The following TSHZ2 variants were observed in gnomAD, a reference collection of about 807,000 sequenced individuals.
TSHZ2 encodes the protein teashirt zinc finger homeobox 2.
Under a neutral mutation model 74.4 loss-of-function variants are expected in TSHZ2, and 21 were observed. The ratio of observed to expected loss-of-function variants is 0.28; its 90% confidence interval spans 0.20 to 0.41. The LOEUF (loss-of-function observed/expected upper bound fraction) is 0.41, where lower values mean the gene tolerates loss of function less well. Ranked by LOEUF, TSHZ2 falls within the 10% of genes least tolerant of loss-of-function variation. The pLI is 1.00. For synonymous variants in TSHZ2, 540 were observed against 515.3 expected (o/e 1.05, Z -0.65); for missense variants, 1,244 against 1,293.5 (o/e 0.96, Z 0.59).
At chr20:53,175,809 C>A (rs765826420) in intron 1 of TSHZ2, among the ~76,000 whole-genome samples, 37 of 152,206 alleles carry the variant, frequency 2.4e-4, no homozygotes, top group Admixed American at 1.4e-3. Context: ...GTCACAAAGA[C>A]TGACTTCCCC....
intron 1 of TSHZ2, among the ~76,000 whole-genome samples, chr20:53,172,127 A>G (rs1235017360): frequency 6.6e-6 from 1 of 152,238 alleles, no homozygotes; most frequent in African/African-American, 2.4e-5. Context: ...CATTTTAGAT[A>G]TGAATTATAA....
chr20:53,389,285 G>T (rs1348933663), intron 2 of TSHZ2, among the ~76,000 whole-genome samples: 1 of 152,166 alleles, frequency 6.6e-6, no homozygotes, highest in Non-Finnish European at 1.5e-5. Flanking sequence ...CATTCAAGGG[G>T]AATTTCAGAG....
At chr20:53,144,605 G>A (rs373329433) in intron 1 of TSHZ2, among the ~76,000 whole-genome samples, 20 of 152,148 alleles carry the variant, frequency 1.3e-4, no homozygotes, top group African/African-American at 4.6e-4. Context: ...ATATTATTAG[G>A]TATTATTATT....
intron 1 of TSHZ2, among the ~76,000 whole-genome samples, chr20:53,043,175 A>T (rs1330057166): frequency 2.0e-5 from 3 of 152,254 alleles, no homozygotes; most frequent in Admixed American, 6.5e-5. Flanking sequence ...TGCATAAAAA[A>T]ATTGCTGGAA....
chr20:53,305,102 A>AT lies in TSHZ2; in HGVS notation c.*8+48540dup, dbSNP rs796181946. On this transcript the variant is annotated intron_variant, in intron 2 of 2. Transcript: ENST00000371497. ...AGGTGCCCTCCACCACGCCTGACTAATTTTTTTTTGTATTTTTAGTAGAGA... is the reference window on the plus strand; with the variant it reads ...AGGTGCCCTCCACCACGCCTGACTAATTTTTTTTTTGTATTTTTAGTAGAGA... Among the ~76,000 whole-genome samples, 372 of 143,132 alleles carry AT rather than the reference A, an allele frequency of 2.6e-3. 2 individuals carry two copies. The highest frequency in any genetic ancestry group is 7.2e-3 in the African/African-American group (276 of 38,590). The allele number at this position is 143,132 out of a possible 152,430, so 93.9% of individuals were successfully genotyped here. A position where few individuals can be genotyped will look rare whatever the true frequency, so the allele number is the denominator to read the frequency against.
chr20:53,130,389 C>T (rs1396455377), intron 1 of TSHZ2, among the ~76,000 whole-genome samples: 2 of 152,144 alleles, frequency 1.3e-5, no homozygotes, highest in African/African-American at 4.8e-5. Context: ...TTTAGGGGGA[C>T]CAAGGTGTGC....
At chr20:53,314,121 C>T (rs540322014) in intron 2 of TSHZ2, among the ~76,000 whole-genome samples, 25 of 152,092 alleles carry the variant, frequency 1.6e-4, no homozygotes, top group African/African-American at 6.0e-4. Context: ...AACCCCATCT[C>T]TACTAAAAAT....
At chr20:53,060,917 T>A (rs1385790876) in intron 1 of TSHZ2, among the ~76,000 whole-genome samples, 4 of 152,126 alleles carry the variant, frequency 2.6e-5, no homozygotes, top group African/African-American at 9.7e-5. Context: ...ACAGTCTAGG[T>A]TGGGTGGTGG....
intron 1 of TSHZ2, among the ~76,000 whole-genome samples, chr20:52,984,552 G>A (rs1981682613): frequency 6.6e-6 from 1 of 152,170 alleles, no homozygotes. Flanking sequence ...CTGGGAAACT[G>A]GGTGGCCGGA....
chr20:53,038,896 G>GTTTTTTTTTTTT (rs374364980), intron 1 of TSHZ2, among the ~76,000 whole-genome samples: 3 of 140,488 alleles, frequency 2.1e-5, no homozygotes, highest in African/African-American at 9.0e-5. Context: ...TTGTTTGTTT[G>GTTTTTTTTTTTT]TTTGTTTGTT....
intron 1 of TSHZ2, among the ~76,000 whole-genome samples, chr20:53,071,673 C>T (rs879316641): frequency 1.3e-5 from 2 of 152,098 alleles, no homozygotes; most frequent in Non-Finnish European, 2.9e-5. Context: ...AGCTGTGGGT[C>T]GGGAGAACCC....
intron 2 of TSHZ2, among the ~76,000 whole-genome samples, chr20:53,363,436 G>A (rs4811426): frequency 0.15 from 22,691 of 152,156 alleles, 2,257 homozygotes; most frequent in East Asian, 0.35. Context: ...CAATGCCAAG[G>A]AGCATATCAT....
At chr20:53,397,772 T>C (rs1464303559) in intron 2 of TSHZ2, 2 of 152,322 alleles carry the variant, frequency 1.3e-5, no homozygotes, top group South Asian at 2.1e-4. Flanking sequence ...TTGGCACATA[T>C]ACACCATGGA....
At chr20:53,485,793 G>C (rs1304259262) in intron 2 of TSHZ2, among the ~76,000 whole-genome samples, 2 of 152,086 alleles carry the variant, frequency 1.3e-5, no homozygotes, top group African/African-American at 2.4e-5. Flanking sequence ...TATGACCATA[G>C]GTTAATAGGT....
intron 1 of TSHZ2, among the ~76,000 whole-genome samples, chr20:53,149,853 C>T (rs1020099796): frequency 6.6e-6 from 1 of 152,194 alleles, no homozygotes; most frequent in East Asian, 1.9e-4. Context: ...TAAGCACGCT[C>T]GGAAAATGCC....
At chr20:53,480,629 T>A (rs967182563) in intron 2 of TSHZ2, among the ~76,000 whole-genome samples, 3 of 151,756 alleles carry the variant, frequency 2.0e-5, no homozygotes, top group African/African-American at 4.8e-5. Context: ...CAGCACCTTG[T>A]GTGAAACTGT....
Position 53,255,194 on chromosome 20 carries a change from C to G in TSHZ2, c.1736C>G (p.Ala579Gly), listed in dbSNP as rs750010415. 6.2e-7 allele frequency: 1 copy of G among 1,614,174 alleles called. No homozygotes were observed. The highest frequency in any genetic ancestry group is 8.5e-7 in the Non-Finnish European group (1 of 1,180,026). The change falls in exon 2 of 3, where the codon GCA becomes GGA. Residue 579 changes from alanine to glycine, a missense_variant. Transcript: ENST00000371497. The surrounding 1 kb of genome is among the most constrained non-coding windows in gnomAD (Gnocchi z 4.1). ...CTCACCAACAAGCTGAGGCCCATTG[C>G]ACCAAAGTGGAAAGTGATGCCACTG... The part of the protein sequence containing the change: ...PNLTNKLRPI[A>G]PKWKVMPLVS...
chr20:53,021,730 C>G (rs1189337402), intron 1 of TSHZ2, among the ~76,000 whole-genome samples: 2 of 152,304 alleles, frequency 1.3e-5, no homozygotes, highest in Non-Finnish European at 1.5e-5. Context: ...TAATTATCCA[C>G]TGCAGGTTCA....
chr20:53,363,815 A>C (rs1981157769), intron 2 of TSHZ2, among the ~76,000 whole-genome samples: 1 of 152,218 alleles, frequency 6.6e-6, no homozygotes, highest in South Asian at 2.1e-4. Flanking sequence ...CTGTCTCAAC[A>C]ACAACATCAA....
Sources: gnomAD v4.1 joint callset for allele counts (sites outside exome capture counted in the v4.1 genomes callset) on GRCh38, gnomAD v4.1.1 for gene constraint, Gnocchi (gnomAD v3.1) non-coding constraint, MANE v1.5 for transcripts, NCBI Gene and HGNC (gene_info 2026-07-23, HGNC 2026-07-21) for gene names.